Variants in CHRM3 observed in about 807,000 individuals in gnomAD.
CHRM3 encodes muscarinic acetylcholine receptor M3.
In CHRM3, 11 loss-of-function variants were observed where a neutral mutation model predicts 41.8. That is an observed-to-expected ratio of 0.26 (90% CI 0.17 to 0.44). The LOEUF (loss-of-function observed/expected upper bound fraction) is 0.44. Among genes scored for constraint, CHRM3 ranks in the 20% least tolerant of loss-of-function variants. The pLI, the probability that CHRM3 is intolerant of heterozygous loss-of-function variation, is 1.00. For missense variants in CHRM3, 571 were observed against 745.4 expected, an observed-to-expected ratio of 0.77 and a Z score of 2.72; for synonymous variants, 297 against 301.4, an observed-to-expected ratio of 0.99 and a Z score of 0.15.
At chr1:239,855,447 C>A (rs1675028304) in intron 6 of CHRM3, among the ~76,000 whole-genome samples, 2 of 152,138 alleles carry the variant, frequency 1.3e-5, no homozygotes, top group African/African-American at 4.8e-5. Context: ...CAAGAATTTC[C>A]TTTGCTATGT....
Position 239,914,922 on chromosome 1 carries a change from A to T in CHRM3, c.*5698A>T, listed in dbSNP as rs1472656305. 1 of 167,070 alleles carries T rather than the reference A, an allele frequency of 6.0e-6. No individual in the cohort carries two copies. The highest frequency in any genetic ancestry group is 1.5e-5 in the Non-Finnish European group (1 of 68,116). The allele number at this position is 167,070 out of a possible 1,614,324, so 10.3% of individuals were successfully genotyped here. A position where few individuals can be genotyped will look rare whatever the true frequency, so the allele number is the denominator to read the frequency against. ...TCCAGCCTCCTACATGTAACACTTC[A>T]AACTTCCTCTGGGCGTCTGCTTAGA... On this transcript the variant is annotated 3_prime_UTR_variant, in exon 7 of 7. Transcript: ENST00000676153.
chr1:239,665,020 C>T (rs1186880180), intron 4 of CHRM3, among the ~76,000 whole-genome samples: 1 of 152,050 alleles, frequency 6.6e-6, no homozygotes, highest in Non-Finnish European at 1.5e-5. Flanking sequence ...TCTCTGTGTG[C>T]TCATTCTCCC....
intron 1 of CHRM3, among the ~76,000 whole-genome samples, chr1:239,424,419 C>G (rs1662211249): frequency 6.6e-6 from 1 of 152,072 alleles, no homozygotes; most frequent in South Asian, 2.1e-4. Context: ...GGTGTGAGGT[C>G]ACCTCAGGAA....
chr1:239,673,488 A>G (rs1018529487), intron 4 of CHRM3, among the ~76,000 whole-genome samples: 2 of 152,182 alleles, frequency 1.3e-5, no homozygotes. Context: ...TATATGCTGG[A>G]AACTATTTAA....
chr1:239,462,632 C>T (rs961124659), intron 1 of CHRM3, among the ~76,000 whole-genome samples: 1 of 152,104 alleles, frequency 6.6e-6, no homozygotes, highest in African/African-American at 2.4e-5. Context: ...ATCAAATTAC[C>T]TACAAATACT....
chr1:239,688,766 A>G lies in CHRM3; in HGVS notation c.-147+10478A>G, dbSNP rs1420928609. On this transcript the variant is annotated intron_variant, in intron 5 of 6. Coordinates refer to ENST00000676153, the MANE Select transcript of CHRM3 (RefSeq NM_001375978.1). ...TATAATACATTATTCAATATAATAT[A>G]TAATACACTATTCAATATAATATAC... Among the ~76,000 whole-genome samples the G allele has an allele frequency of 5.8e-5, 8 of 137,864 alleles. No homozygotes were observed. The East Asian group carries it at 8.2e-4, about 14-fold the overall frequency. 90.4% of individuals were successfully genotyped at this position (137,864 alleles called of 152,430 possible).
At chr1:239,762,958 T>C (rs1321038169) in intron 5 of CHRM3, among the ~76,000 whole-genome samples, 1 of 152,204 alleles carries the variant, frequency 6.6e-6, no homozygotes, top group Non-Finnish European at 1.5e-5. Flanking sequence ...TGTCCTTTTA[T>C]AGTCATAATT....
At chr1:239,776,746 C>T (rs1193104593) in intron 5 of CHRM3, among the ~76,000 whole-genome samples, 1 of 152,156 alleles carries the variant, frequency 6.6e-6, no homozygotes, top group Non-Finnish European at 1.5e-5. Flanking sequence ...GTTTAATTGA[C>T]TCACAGTTCC....
chr1:239,741,437 G>T (rs1265800422), intron 5 of CHRM3, among the ~76,000 whole-genome samples: 2 of 152,096 alleles, frequency 1.3e-5, no homozygotes, highest in East Asian at 3.9e-4. Context: ...TTCAAGGAAG[G>T]TTAGGGCATC....
At chr1:239,574,461 C>G (rs1248102484) in intron 3 of CHRM3, among the ~76,000 whole-genome samples, 1 of 152,094 alleles carries the variant, frequency 6.6e-6, no homozygotes, top group African/African-American at 2.4e-5. Context: ...CGGTTATGCA[C>G]TGGCCAGCTC....
intron 3 of CHRM3, among the ~76,000 whole-genome samples, chr1:239,555,604 G>A (rs1660276456): frequency 1.3e-5 from 2 of 152,132 alleles, no homozygotes. Context: ...GCAATGACTG[G>A]CAACCCAGAA....
intron 5 of CHRM3, among the ~76,000 whole-genome samples, chr1:239,764,085 C>CAA (rs36088810): frequency 8.6e-5 from 10 of 115,740 alleles, no homozygotes; most frequent in African/African-American, 1.9e-4. Flanking sequence ...ATCCTATCTC[C>CAA]AAAAAAAAAA....
chr1:239,814,270 C>T (rs1217661621), intron 5 of CHRM3, among the ~76,000 whole-genome samples: 2 of 151,920 alleles, frequency 1.3e-5, no homozygotes, highest in African/African-American at 2.4e-5. Context: ...AGGTTTTGCT[C>T]GTGGGAGATG....
intron 4 of CHRM3, among the ~76,000 whole-genome samples, chr1:239,632,658 C>G (rs1190385716): frequency 2.0e-5 from 3 of 152,166 alleles, no homozygotes; most frequent in Non-Finnish European, 4.4e-5. Flanking sequence ...AGAATTATCC[C>G]TGGATTTAGA....
chr1:239,703,877 A>G (rs1021523298), intron 5 of CHRM3: 4 of 113,202 alleles, frequency 3.5e-5, no homozygotes, highest in South Asian at 2.9e-4. Flanking sequence ...CATTAAACGC[A>G]CTGAATGAAA....
At position 239,481,608 on chromosome 1, in the gene CHRM3, C is replaced by T. The variant is rs191704804; in HGVS notation, c.-520-11101C>T. ...TTTGTTGAACTTTCAATTAAAAGGA[C>T]GTTGGTCATGTTGAAGAGCAAAATT... On this transcript the variant is annotated intron_variant, in intron 1 of 6. Transcript: ENST00000676153. Among the ~76,000 whole-genome samples, 172 of 152,194 alleles carry T rather than the reference C, an allele frequency of 1.1e-3. 5 individuals are homozygous for T. The Middle Eastern group carries it at 0.014, about 12-fold the overall frequency.
chr1:239,632,230 T>C lies in CHRM3; in HGVS notation c.-306T>C, dbSNP rs1466988611. The C allele has an allele frequency of 2.0e-5, 3 of 152,252 alleles. No individual in the cohort carries two copies. Among genetic ancestry groups the C allele is most frequent in the Admixed American group, 6.5e-5 (1 of 15,286 alleles). 9.4% of individuals were successfully genotyped at this position (152,252 alleles called of 1,614,324 possible). A position where few individuals can be genotyped will look rare whatever the true frequency, so the allele number is the denominator to read the frequency against. On this transcript the variant is annotated 5_prime_UTR_variant, in exon 4 of 7. Transcript: ENST00000676153. ...TTTGTTTGTTCTTTTCTAGCACTTG[T>C]GTTCTGATTAGTGGCCAAATAAATG...
chr1:239,718,473 G>T (rs1662613464), intron 5 of CHRM3, among the ~76,000 whole-genome samples: 1 of 151,974 alleles, frequency 6.6e-6, no homozygotes, highest in Non-Finnish European at 1.5e-5. Context: ...AATTGGGGAA[G>T]AAAATACAGA....
intron 6 of CHRM3, among the ~76,000 whole-genome samples, chr1:239,851,590 G>A (rs1189069561): frequency 6.6e-6 from 1 of 152,124 alleles, no homozygotes; most frequent in Admixed American, 6.6e-5. Context: ...TTCCTGAAAT[G>A]TATTAAACAC....
Sources: gnomAD v4.1 joint callset for allele counts (sites outside exome capture counted in the v4.1 genomes callset) on GRCh38, gnomAD v4.1.1 for gene constraint, MANE v1.5 for transcripts, NCBI Gene and HGNC (gene_info 2026-07-23, HGNC 2026-07-21) for gene names.